Variants in MYH10 observed in about 807,000 individuals in gnomAD.
MYH10 encodes myosin heavy chain 10.
In MYH10, 55 loss-of-function variants were observed where a neutral mutation model predicts 257.8. The observed-to-expected ratio is 0.21, with a 90% CI of 0.17 to 0.27. MYH10 has a LOEUF of 0.27. Among genes scored for constraint, MYH10 ranks in the 10% least tolerant of loss-of-function variants. The probability of loss-of-function intolerance (pLI) is 1.00; values close to 1 mark genes in which losing one functional copy is unlikely to be tolerated. For synonymous variants in MYH10, 854 were observed against 921.7 expected, an observed-to-expected ratio of 0.93 and a Z score of 1.33; for missense variants, 1,631 against 2,500.6, an observed-to-expected ratio of 0.65 and a Z score of 7.42.
At chr17:8,596,401 T>G (rs894425552) in intron 3 of MYH10, among the ~76,000 whole-genome samples, 1 of 152,158 alleles carries the variant, frequency 6.6e-6, no homozygotes, top group Non-Finnish European at 1.5e-5. Flanking sequence ...GTGATCCACC[T>G]GCCTCAGCCT....
chr17:8,536,707 G>A (rs1269382276), intron 14 of MYH10, among the ~76,000 whole-genome samples: 1 of 151,718 alleles, frequency 6.6e-6, no homozygotes, highest in East Asian at 1.9e-4. Context: ...GCTGAGGCAG[G>A]AGAATCGGTT....
intron 17 of MYH10, among the ~76,000 whole-genome samples, chr17:8,523,179 G>GC (rs2081715397): frequency 6.6e-6 from 1 of 152,082 alleles, no homozygotes; most frequent in Non-Finnish European, 1.5e-5. Flanking sequence ...CCCAGAGCCA[G>GC]CTGCCAAACA....
In MYH10 at chr17:8,552,052, G is replaced by T; in HGVS notation, c.913C>A (p.Leu305Ile). 6.6e-7 allele frequency: 1 copy of T among 1,507,956 alleles called. No individual in the cohort carries two copies. The allele number at this position is 1,507,956 out of a possible 1,614,324, so 93.4% of individuals were successfully genotyped here. Residue 305 changes from leucine (L) to isoleucine (I), a missense_variant, in exon 9 of 43, where the codon CTA (leucine) becomes ATA (isoleucine). Physicochemically the swap from Leu to Ile is conservative, Grantham distance 5 (BLOSUM62 2). Coordinates refer to ENST00000360416, the MANE Select transcript of MYH10 (RefSeq NM_001256012.3). The surrounding 1 kb of genome is among the most constrained non-coding windows in gnomAD (Gnocchi z 4.8). Reference protein sequence around the residue: ...YQLLSGAGEHLKSDLLLEGFN... With the variant: ...YQLLSGAGEHIKSDLLLEGFN... ...AAAAACCTTTGTAACTTACACTTTA[G>T]GTGTTCTCCTGCTCCAGATAACAAC...
In MYH10 at chr17:8,587,013, A is replaced by G. The variant is rs144565201; in HGVS notation, c.530+2068T>C. Among the ~76,000 whole-genome samples the G allele has an allele frequency of 2.8e-3, 430 of 152,290 alleles. 1 individual carries two copies. The highest frequency in any genetic ancestry group is 1.0e-2 in the African/African-American group (414 of 41,548). On this transcript the variant is annotated intron_variant, in intron 4 of 42. Coordinates refer to ENST00000360416, the MANE Select transcript of MYH10 (RefSeq NM_001256012.3). The stretch of plus-strand genomic sequence containing the variant: ...TGGGAATGGGACAGCAGAATGTGAC[A>G]CAAGCAGAAACTTGAACAATGCTTA...
intron 2 of MYH10, among the ~76,000 whole-genome samples, chr17:8,608,682 C>A (rs975694494): frequency 2.6e-5 from 4 of 152,156 alleles, no homozygotes; most frequent in Non-Finnish European, 5.9e-5. Flanking sequence ...GGGAGACATA[C>A]AAAAATATTT....
chr17:8,507,979 A>G (rs995759230), intron 26 of MYH10, among the ~76,000 whole-genome samples: 1 of 152,302 alleles, frequency 6.6e-6, no homozygotes, highest in African/African-American at 2.4e-5. Context: ...TCTTAAAAAA[A>G]AAGAAAAAGA....
intron 1 of MYH10, among the ~76,000 whole-genome samples, chr17:8,626,568 AAAT>A (rs1205552958): frequency 1.1e-5 from 1 of 89,256 alleles, no homozygotes; most frequent in Non-Finnish European, 2.3e-5. Flanking sequence ...CTCTGTCTCA[AAAT>A]AATAATAAAT....
chr17:8,508,534 C>G lies in MYH10; in HGVS notation c.3214+20G>C, dbSNP rs201663610. The G allele has an allele frequency of 2.4e-4, 390 of 1,613,866 alleles. No homozygotes were observed. Among genetic ancestry groups the G allele is most frequent in the Non-Finnish European group, 3.2e-4 (376 of 1,179,904 alleles). ...ACTCACATGTCCTAGTCCCTGATTT[C>G]TCTAGCCCCAAATACTAACCTTCTA... On this transcript the variant is annotated intron_variant, in intron 26 of 42. Transcript: ENST00000360416.
chr17:8,486,646 T>C (rs1914854547), intron 36 of MYH10, among the ~76,000 whole-genome samples: 1 of 150,824 alleles, frequency 6.6e-6, no homozygotes, highest in Non-Finnish European at 1.5e-5. Context: ...TTTCTAGGTA[T>C]AGTATGTCTG....
rs1912181019 is a variant in MYH10 at position 8,474,478 on chromosome 17, C to T, written c.*1326G>A. 1 of 152,264 alleles carries T rather than the reference C, an allele frequency of 6.6e-6. No individual in the cohort carries two copies. Among genetic ancestry groups the T allele is most frequent in the South Asian group, 2.1e-4 (1 of 4,800 alleles). The allele number at this position is 152,264 out of a possible 1,614,324, so 9.4% of individuals were successfully genotyped here. On this transcript the variant is annotated 3_prime_UTR_variant, in exon 43 of 43. Transcript: ENST00000360416. The stretch of plus-strand genomic sequence containing the variant: ...CTAATAGATGTTAAAGCTTTTAACC[C>T]AAAAGGTTTGTGTTTTCAAGCACAT...
chr17:8,479,438 GTTAA>G (rs1913287457), intron 40 of MYH10, among the ~76,000 whole-genome samples: 1 of 152,210 alleles, frequency 6.6e-6, no homozygotes, highest in South Asian at 2.1e-4. Context: ...GGGTGTTTAT[GTTAA>G]TTCCAACTAG....
intron 6 of MYH10, among the ~76,000 whole-genome samples, chr17:8,575,335 T>C (rs142096284): frequency 6.4e-4 from 98 of 152,332 alleles, no homozygotes; most frequent in African/African-American, 2.2e-3. Context: ...TTAACATTAT[T>C]TCAATAGCGA....
Position 8,569,795 on chromosome 17 carries a change from C to T in MYH10, c.681G>A (p.Gln227=). Residue 227 remains glutamine, a synonymous_variant, in exon 7 of 43, where the codon CAG becomes CAA. Transcript: ENST00000360416. This position sits in a 1 kb window ranked among gnomAD's most constrained non-coding sequence, Gnocchi z 4.1. ...PVKHQGELER[Q]LLQANPILES... ...CCAGAATTGGATTTGCTTGCAAAAG[C>T]TGCCGTTCAAGTTCCCCCTAAAAGA... The T allele has an allele frequency of 1.2e-6, 2 of 1,611,872 alleles. No individual in the cohort carries two copies. Among genetic ancestry groups the T allele is most frequent in the Non-Finnish European group, 8.5e-7 (1 of 1,178,908 alleles).
Position 8,535,525 on chromosome 17 carries a change from TG to T in MYH10, c.1780-25del. On this transcript the variant is annotated intron_variant, in intron 15 of 42. Coordinates refer to ENST00000360416, the MANE Select transcript of MYH10 (RefSeq NM_001256012.3). The surrounding 1 kb of genome is among the most constrained non-coding windows in gnomAD (Gnocchi z 4.3). ...ACCTATCCCGCACCAAAGCCAAAAG[TG>T]GTGAAATGGAGAACACAAAACCAAA... The T allele has an allele frequency of 6.4e-7, 1 of 1,568,410 alleles. No individual in the cohort carries two copies. Among genetic ancestry groups the T allele is most frequent in the Non-Finnish European group, 8.7e-7 (1 of 1,150,526 alleles).
intron 4 of MYH10, among the ~76,000 whole-genome samples, chr17:8,581,080 G>C (rs905562293): frequency 3.9e-5 from 6 of 152,092 alleles, no homozygotes; most frequent in African/African-American, 1.2e-4. Flanking sequence ...GCATAGTCCA[G>C]GGACTGATGG....
intron 9 of MYH10, among the ~76,000 whole-genome samples, chr17:8,550,507 G>T (rs1350532772): frequency 3.3e-5 from 5 of 151,706 alleles, no homozygotes; most frequent in Non-Finnish European, 7.4e-5. Flanking sequence ...ACCCCGTCCG[G>T]GAGGGAGGTG....
intron 1 of MYH10, 186 bp from the exon 2 acceptor site, chr17:8,623,463 T>C: frequency 7.7e-6 from 3 of 387,366 alleles, no homozygotes; most frequent in East Asian, 4.7e-5. Context: ...CCACAAATTA[T>C]GGCTCTGGTT....
intron 35 of MYH10, among the ~76,000 whole-genome samples, chr17:8,488,558 G>A (rs1915247584): frequency 6.6e-6 from 1 of 152,222 alleles, no homozygotes; most frequent in South Asian, 2.1e-4. Flanking sequence ...AGTAGCAGCT[G>A]GAGGCTCAGC....
At chr17:8,595,419 A>C in intron 3 of MYH10, among the ~76,000 whole-genome samples, 1 of 129,430 alleles carries the variant, frequency 7.7e-6, no homozygotes, top group African/African-American at 2.9e-5. Context: ...CCCAGTAAGA[A>C]CAGTTCTTTT....
Sources: gnomAD v4.1 joint callset for allele counts (sites outside exome capture counted in the v4.1 genomes callset) on GRCh38, gnomAD v4.1.1 for gene constraint, Gnocchi (gnomAD v3.1) non-coding constraint, MANE v1.5 for transcripts, NCBI Gene and HGNC (gene_info 2026-07-23, HGNC 2026-07-21) for gene names.